Variants in TMEM51 observed in about 807,000 individuals in gnomAD.
TMEM51 encodes chromosome 1 open reading frame 72.
A neutral mutation model predicts 13.6 loss-of-function variants in TMEM51; 8 were observed. The ratio of observed to expected loss-of-function variants is 0.59; its 90% CI spans 0.35 to 1.07. TMEM51 has a LOEUF of 1.07. Ranked by LOEUF, TMEM51 falls within the 50% of genes least tolerant of loss-of-function variation. TMEM51 has a pLI of 0.02. For missense variants in TMEM51, 279 were observed against 330.7 expected (o/e 0.84, Z 1.21); for synonymous variants, 147 against 144.4 (o/e 1.02, Z -0.13).
At position 15,180,499 on chromosome 1, in the gene TMEM51, T is replaced by C. The variant is rs116364211; in HGVS notation, c.-267+26545T>C. ...TCTGCCTCCCTGGAAGCCCTCCAGATAATGATTTTGGCTGTGTGCTGAGGA... is the reference window on the plus strand; with the variant it reads ...TCTGCCTCCCTGGAAGCCCTCCAGACAATGATTTTGGCTGTGTGCTGAGGA... On this transcript the variant is annotated intron_variant, in intron 1 of 3. Coordinates refer to ENST00000376008, the MANE Select transcript of TMEM51 (RefSeq NM_001136218.2). 4.0e-3 allele frequency among the ~76,000 whole-genome samples: 616 copies of C among 152,340 alleles called. 1 individual carries two copies. Among genetic ancestry groups the C allele is most frequent in the Non-Finnish European group, 6.8e-3 (460 of 68,034 alleles).
At chr1:15,155,909 T>C (rs1282581513) in intron 1 of TMEM51, among the ~76,000 whole-genome samples, 3 of 152,108 alleles carry the variant, frequency 2.0e-5, no homozygotes, top group Non-Finnish European at 4.4e-5. Context: ...CCCATCCATA[T>C]GTTAAGAAGA....
intron 1 of TMEM51, among the ~76,000 whole-genome samples, chr1:15,167,326 CAAAAAAAAAAAAAAA>C (rs555274126): frequency 1.4e-4 from 10 of 69,450 alleles, no homozygotes; most frequent in Admixed American, 3.5e-4. Context: ...GACTCCATCT[CAAAAAAAAAAAAAAA>C]AAAAAAAAAA....
At chr1:15,216,353 A>G (rs1573455274) in intron 3 of TMEM51, among the ~76,000 whole-genome samples, 1 of 152,254 alleles carries the variant, frequency 6.6e-6, no homozygotes, top group East Asian at 1.9e-4. Context: ...TAAGATGAAT[A>G]TACCAATAGG....
chr1:15,202,836 T>C (rs1194009801), intron 1 of TMEM51, among the ~76,000 whole-genome samples: 2 of 152,194 alleles, frequency 1.3e-5, no homozygotes, highest in African/African-American at 4.8e-5. Context: ...CATGTGCCTG[T>C]TCCCAAATTC....
chr1:15,187,354 C>A (rs1643811903), intron 1 of TMEM51, among the ~76,000 whole-genome samples: 1 of 152,212 alleles, frequency 6.6e-6, no homozygotes, highest in African/African-American at 2.4e-5. Flanking sequence ...CTGTGCTGTC[C>A]ATGCCTCTCT....
chr1:15,163,641 A>C (rs377405732), intron 1 of TMEM51, among the ~76,000 whole-genome samples: 1 of 132,754 alleles, frequency 7.5e-6, no homozygotes, highest in Non-Finnish European at 1.8e-5. Context: ...TATTTTTTGT[A>C]ATAATAGCAA....
In TMEM51 at chr1:15,219,982, C is replaced by T. The variant is rs1255224570; in HGVS notation, c.*239C>T. On this transcript the variant is annotated 3_prime_UTR_variant, in exon 4 of 4. Transcript: ENST00000376008. ...CCTTGGAGCTGGTGAATCTGTGGAC[C>T]ACATTCAAGGGTGTGGCACAGGCAT... 1.4e-5 allele frequency: 8 copies of T among 555,928 alleles called. No individual in the cohort carries two copies. The highest frequency in any genetic ancestry group is 3.8e-5 in the African/African-American group (2 of 53,222). 34.4% of individuals were successfully genotyped at this position (555,928 alleles called of 1,614,324 possible). A position where few individuals can be genotyped will look rare whatever the true frequency, so the allele number is the denominator to read the frequency against.
intron 1 of TMEM51, among the ~76,000 whole-genome samples, chr1:15,159,849 A>T (rs2100810545): frequency 6.6e-6 from 1 of 152,178 alleles, no homozygotes. Context: ...TTCTTTTTTT[A>T]ATGTCCCCAG....
intron 1 of TMEM51, among the ~76,000 whole-genome samples, chr1:15,179,273 G>A (rs1055461469): frequency 2.0e-5 from 3 of 152,198 alleles, no homozygotes; most frequent in Non-Finnish European, 2.9e-5. Context: ...GGTACACAGA[G>A]GTTCAGAGCA....
chr1:15,165,886 C>T (rs184915277), intron 1 of TMEM51, among the ~76,000 whole-genome samples: 225 of 151,368 alleles, frequency 1.5e-3, no homozygotes, highest in Middle Eastern at 3.4e-3. Context: ...TGCGGTGAGC[C>T]GAGATTGCGC....
chr1:15,187,140 C>T (rs74062371), intron 1 of TMEM51, among the ~76,000 whole-genome samples: 81,209 of 151,472 alleles, frequency 0.54, 22,277 homozygotes, highest in East Asian at 0.64. Context: ...TGGGAGTGTG[C>T]GGCCCCAGGC....
At chr1:15,177,799 G>A (rs1429957902) in intron 1 of TMEM51, among the ~76,000 whole-genome samples, 2 of 152,168 alleles carry the variant, frequency 1.3e-5, no homozygotes, top group African/African-American at 4.8e-5. Context: ...TATTTCCCAG[G>A]TTATCAGTGG....
chr1:15,210,756 G>A (rs371491262), intron 2 of TMEM51, among the ~76,000 whole-genome samples, 194 bp downstream of exon 2: 5 of 152,204 alleles, frequency 3.3e-5, no homozygotes, highest in South Asian at 2.1e-4. Context: ...ATTGGAAGCC[G>A]TGTGGTCCAA....
rs1284777535 is a variant in TMEM51 at position 15,161,040 on chromosome 1, G to A, written c.-267+7086G>A. ...CTGAAATGGGGAGCGGGGAGGGCAG[G>A]TGCAGCCGCCACCGCCAAAGGTCTT... On this transcript the variant is annotated intron_variant, in intron 1 of 3. Coordinates refer to ENST00000376008, the MANE Select transcript of TMEM51 (RefSeq NM_001136218.2). The surrounding 1 kb of genome is among the most constrained non-coding windows in gnomAD (Gnocchi z 4.0). Among the ~76,000 whole-genome samples, 1 of 152,024 alleles carries A rather than the reference G, an allele frequency of 6.6e-6. No individual in the cohort carries two copies. The highest frequency in any genetic ancestry group is 2.4e-5 in the African/African-American group (1 of 41,282).
chr1:15,198,518 G>C (rs554613547), intron 1 of TMEM51, among the ~76,000 whole-genome samples: 73 of 152,314 alleles, frequency 4.8e-4, no homozygotes, highest in African/African-American at 1.7e-3. Flanking sequence ...CCGGGTTCAA[G>C]TGATTCTCGG....
chr1:15,195,917 G>A (rs1644038443), intron 1 of TMEM51, among the ~76,000 whole-genome samples: 2 of 152,306 alleles, frequency 1.3e-5, no homozygotes, highest in South Asian at 2.1e-4. Context: ...TTTCTGAGAT[G>A]TGTTGAGAGT....
At position 15,215,384 on chromosome 1, in the gene TMEM51, T is replaced by C; in HGVS notation, c.297T>C (p.His99=). 2 of 1,608,836 alleles carry C rather than the reference T, an allele frequency of 1.2e-6. No individual in the cohort carries two copies. Among genetic ancestry groups the C allele is most frequent in the Non-Finnish European group, 1.7e-6 (2 of 1,179,358 alleles). The change falls in exon 3 of 4, where the codon CAT becomes CAC. Residue 99 remains histidine (H), a synonymous_variant. Coordinates refer to ENST00000376008, the MANE Select transcript of TMEM51 (RefSeq NM_001136218.2). ...AGCGGCAGGGCGAGGACCTGGCCCA[T>C]GTCCAGCACCCGACAGGCGCTGGGC... ...RKQRQGEDLA[H]VQHPTGAGPH...
At chr1:15,187,262 C>A (rs992561150) in intron 1 of TMEM51, among the ~76,000 whole-genome samples, 2 of 151,778 alleles carry the variant, frequency 1.3e-5, no homozygotes, top group African/African-American at 4.8e-5. Flanking sequence ...CTTAATTCGC[C>A]CTGTTGCCAC....
intron 3 of TMEM51, among the ~76,000 whole-genome samples, chr1:15,218,759 A>G (rs966915125): frequency 6.6e-6 from 1 of 152,108 alleles, no homozygotes; most frequent in Non-Finnish European, 1.5e-5. Flanking sequence ...CATGACAACG[A>G]CCTGGCAGTT....
Sources: gnomAD v4.1 joint callset for allele counts (sites outside exome capture counted in the v4.1 genomes callset) on GRCh38, gnomAD v4.1.1 for gene constraint, Gnocchi (gnomAD v3.1) non-coding constraint, MANE v1.5 for transcripts, NCBI Gene and HGNC (gene_info 2026-07-23, HGNC 2026-07-21) for gene names.